SLC13A3: variants seen among roughly 807,000 people sequenced by gnomAD.
The protein encoded by SLC13A3 is solute carrier family 13 member 3.
SLC13A3 carries 40 observed loss-of-function variants against 59.0 expected under a neutral mutation model. The observed-to-expected ratio is 0.68, with a 90% confidence interval of 0.53 to 0.88. The LOEUF is 0.88. Among genes scored for constraint, SLC13A3 ranks in the 40% least tolerant of loss-of-function variants. SLC13A3 has a pLI of 0.00. For missense variants in SLC13A3, 699 were observed against 783.2 expected (o/e 0.89, Z 1.28); for synonymous variants, 317 against 330.3 (o/e 0.96, Z 0.44).
chr20:46,654,234 T>C (rs1181121277), upstream of SLC13A3, among the ~76,000 whole-genome samples: 3 of 152,230 alleles, frequency 2.0e-5, no homozygotes, highest in South Asian at 4.1e-4. Context: ...TTATTGGCCA[T>C]CTGCGTATCT....
intron 12 of SLC13A3, among the ~76,000 whole-genome samples, chr20:46,560,615 C>T (rs1414294859): frequency 6.6e-6 from 1 of 152,138 alleles, no homozygotes; most frequent in Non-Finnish European, 1.5e-5. Flanking sequence ...ACCCCCATCC[C>T]ACACACATAT....
intron 1 of SLC13A3, among the ~76,000 whole-genome samples, chr20:46,620,317 A>T (rs949066954): frequency 3.3e-5 from 5 of 152,244 alleles, no homozygotes; most frequent in Non-Finnish European, 4.4e-5. Context: ...GTTCATGAAA[A>T]GTATGTATTA....
At chr20:46,660,859 A>G (rs1049628827) in intron 1 of SLC13A3, among the ~76,000 whole-genome samples, 1 of 152,110 alleles carries the variant, frequency 6.6e-6, no homozygotes, top group African/African-American at 2.4e-5. Flanking sequence ...TGTTTCAAAC[A>G]GGCATTTTCT....
chr20:46,625,343 TG>T (rs2062657514), intron 1 of SLC13A3, among the ~76,000 whole-genome samples: 5 of 152,316 alleles, frequency 3.3e-5, no homozygotes, highest in African/African-American at 7.2e-5. Context: ...TTAAAGTAAT[TG>T]GAGGATTTTA....
chr20:46,618,041 C>T (rs1359295708), intron 1 of SLC13A3, among the ~76,000 whole-genome samples: 1 of 152,112 alleles, frequency 6.6e-6, no homozygotes, highest in Non-Finnish European at 1.5e-5. Context: ...CTCTTGGACC[C>T]CTTCAGACAA....
At chr20:46,677,016 C>A (rs980826334) in intron 1 of SLC13A3, among the ~76,000 whole-genome samples, 1 of 152,162 alleles carries the variant, frequency 6.6e-6, no homozygotes, top group African/African-American at 2.4e-5. Flanking sequence ...TGGGTTCAAG[C>A]GATTCTCCTG....
intron 5 of SLC13A3, among the ~76,000 whole-genome samples, chr20:46,595,274 T>C (rs1476891295): frequency 6.6e-6 from 1 of 152,262 alleles, no homozygotes; most frequent in Admixed American, 6.5e-5. Flanking sequence ...TTTAGAATAA[T>C]GGGAGCGGCA....
upstream of SLC13A3, among the ~76,000 whole-genome samples, chr20:46,654,676 C>CCG (rs1225861414): frequency 1.3e-5 from 2 of 152,068 alleles, no homozygotes; most frequent in Admixed American, 6.6e-5. Flanking sequence ...ATTACAGGCA[C>CCG]CCACCATCAC....
chr20:46,569,987 G>A (rs565234854), intron 10 of SLC13A3, among the ~76,000 whole-genome samples: 2 of 152,268 alleles, frequency 1.3e-5, no homozygotes, highest in African/African-American at 4.8e-5. Flanking sequence ...AAAACACAAC[G>A]GGCTCGGCTG....
chr20:46,659,778 A>T (rs1279634603), intron 1 of SLC13A3, among the ~76,000 whole-genome samples: 1 of 150,198 alleles, frequency 6.7e-6, no homozygotes, highest in Non-Finnish European at 1.5e-5. Flanking sequence ...GAAATAATGT[A>T]AAAAAATTCC....
intron 6 of SLC13A3, among the ~76,000 whole-genome samples, chr20:46,589,698 A>G (rs1463510712): frequency 1.3e-5 from 2 of 152,358 alleles, no homozygotes; most frequent in East Asian, 3.9e-4. Flanking sequence ...AAACCCATCC[A>G]TCTATGGCCA....
Position 46,559,039 on chromosome 20 carries a change from A to T in SLC13A3, c.*983T>A, listed in dbSNP as rs371439417. On this transcript the variant is annotated 3_prime_UTR_variant, in exon 13 of 13. Transcript: ENST00000279027. The stretch of plus-strand genomic sequence containing the variant: ...AGACATTTTACCCTGGCCTTTTACA[A>T]GGCCCCAATTTATCTTTTGACTTTT... The T allele has an allele frequency of 6.6e-6, 1 of 152,066 alleles. No individual in the cohort carries two copies. Among genetic ancestry groups the T allele is most frequent in the African/African-American group, 2.4e-5 (1 of 41,404 alleles). The allele number at this position is 152,066 out of a possible 1,614,324, so 9.4% of individuals were successfully genotyped here.
At chr20:46,605,521 C>T (rs2062429757) in intron 3 of SLC13A3, among the ~76,000 whole-genome samples, 1 of 152,158 alleles carries the variant, frequency 6.6e-6, no homozygotes, top group Non-Finnish European at 1.5e-5. Flanking sequence ...GGATGGAGAA[C>T]TTTCACATTT....
chr20:46,659,607 G>A (rs34565083), intron 1 of SLC13A3, among the ~76,000 whole-genome samples: 61,165 of 151,414 alleles, frequency 0.4, 13,967 homozygotes, highest in Non-Finnish European at 0.53. Context: ...CCCAGCTACC[G>A]GGGAGGCTGA....
intron 9 of SLC13A3, 181 bp downstream of exon 9, chr20:46,583,391 G>C: frequency 1.4e-6 from 2 of 1,393,456 alleles, no homozygotes; most frequent in Non-Finnish European, 9.3e-7. Flanking sequence ...GCTAACCCCT[G>C]TCCTGGACTA....
intron 5 of SLC13A3, among the ~76,000 whole-genome samples, chr20:46,595,276 G>T (rs2062299102): frequency 6.6e-6 from 1 of 152,158 alleles, no homozygotes; most frequent in South Asian, 2.1e-4. Flanking sequence ...TAGAATAATG[G>T]GAGCGGCACG....
chr20:46,628,676 A>G (rs755458089), intron 1 of SLC13A3, among the ~76,000 whole-genome samples: 1 of 152,354 alleles, frequency 6.6e-6, no homozygotes, highest in Non-Finnish European at 1.5e-5. Flanking sequence ...TAAACAGTGG[A>G]GCCCTGGGTC....
chr20:46,663,585 T>C (rs1242391299), intron 1 of SLC13A3, among the ~76,000 whole-genome samples: 1 of 152,242 alleles, frequency 6.6e-6, no homozygotes, highest in African/African-American at 2.4e-5. Context: ...TGAATAATAA[T>C]GGCCACACTC....
chr20:46,589,279 G>A, intron 6 of SLC13A3, 24 bp from the exon 7 acceptor site: 1 of 1,603,630 alleles, frequency 6.2e-7, no homozygotes, highest in South Asian at 1.1e-5. Context: ...TGGGAGATTA[G>A]GAGTGGCCAC....
Sources: allele counts gnomAD v4.1 joint callset (sites outside exome capture counted in the v4.1 genomes callset), GRCh38; gene constraint gnomAD v4.1.1; transcripts MANE v1.5; gene names NCBI Gene and HGNC (gene_info 2026-07-23, HGNC 2026-07-21).